Variants in NEURL1 observed in about 807,000 individuals in gnomAD.
NEURL1 encodes neuralized E3 ubiquitin protein ligase 1, also known as E3 ubiquitin-protein ligase NEURL1.
In NEURL1, 26 loss-of-function variants were observed where a neutral mutation model predicts 41.2. The observed-to-expected ratio is 0.63, with a 90% confidence interval of 0.46 to 0.87. NEURL1 has a LOEUF of 0.87. Among genes scored for constraint, NEURL1 ranks in the 40% least tolerant of loss-of-function variants. The pLI is 0.00. For synonymous variants in NEURL1, 400 were observed against 402.3 expected (o/e 0.99, Z 0.07); for missense variants, 761 against 871.1 (o/e 0.87, Z 1.59).
At chr10:103,521,680 C>T (rs1247976244) in intron 1 of NEURL1, among the ~76,000 whole-genome samples, 1 of 152,140 alleles carries the variant, frequency 6.6e-6, no homozygotes, top group East Asian at 1.9e-4. Context: ...GAGATATTCT[C>T]CTTGGTCCAA....
chr10:103,584,497 G>C lies in NEURL1; in HGVS notation c.650-39G>C. The C allele has an allele frequency of 5.5e-6, 7 of 1,282,932 alleles. No homozygotes were observed. In the South Asian group the frequency reaches 1.6e-4, roughly 30 times the overall value. 79.5% of individuals were successfully genotyped at this position (1,282,932 alleles called of 1,614,324 possible). A position where few individuals can be genotyped will look rare whatever the true frequency, so the allele number is the denominator to read the frequency against. The stretch of plus-strand genomic sequence containing the variant: ...GCGGGGCGCGCCGGGGCCGCCTCCC[G>C]AGAGCCCTGCGTGACACTGCCCCGT... On this transcript the variant is annotated intron_variant, in intron 3 of 5. Transcript: ENST00000369780.
intron 1 of NEURL1, among the ~76,000 whole-genome samples, chr10:103,496,673 G>A (rs75044652): frequency 0.035 from 5,252 of 152,184 alleles, 82 homozygotes; most frequent in Non-Finnish European, 0.044. Context: ...TATGAATATC[G>A]TTCAGCTCAA....
At chr10:103,498,185 CT>C (rs538273248) in intron 1 of NEURL1, among the ~76,000 whole-genome samples, 271 of 152,346 alleles carry the variant, frequency 1.8e-3, no homozygotes, top group Middle Eastern at 3.4e-3. Flanking sequence ...GATTTTCCTC[CT>C]TGCCCAGGTC....
At chr10:103,560,700 G>A (rs2035273012) in intron 1 of NEURL1, among the ~76,000 whole-genome samples, 1 of 152,168 alleles carries the variant, frequency 6.6e-6, no homozygotes, top group African/African-American at 2.4e-5. Context: ...CTTAGGAGGA[G>A]AGAGGGGACT....
At chr10:103,583,114 G>T (rs2035818292) in intron 3 of NEURL1, among the ~76,000 whole-genome samples, 1 of 152,180 alleles carries the variant, frequency 6.6e-6, no homozygotes, top group Admixed American at 6.5e-5. Flanking sequence ...GCCATTAGAA[G>T]AATATGGTGT....
rs984256502 is a variant in NEURL1, at chr10:103,556,310, G to A, written c.86-14562G>A. Among the ~76,000 whole-genome samples the A allele has an allele frequency of 2.0e-4, 30 of 152,204 alleles. No individual in the cohort carries two copies. The highest frequency in any genetic ancestry group is 7.2e-4 in the African/African-American group (30 of 41,452). ...GAGAAGCCTTCCTAGGGACTTGTGTGTCTTCCCTGGGCCCTGGGAACTGGG... is the reference window on the plus strand; with the variant it reads ...GAGAAGCCTTCCTAGGGACTTGTGTATCTTCCCTGGGCCCTGGGAACTGGG... On this transcript the variant is annotated intron_variant, in intron 1 of 5. Coordinates refer to ENST00000369780, the MANE Select transcript of NEURL1 (RefSeq NM_004210.5). The surrounding 1 kb of genome is among the most constrained non-coding windows in gnomAD (Gnocchi z 4.4).
At chr10:103,522,943 T>C (rs2034386361) in intron 1 of NEURL1, among the ~76,000 whole-genome samples, 1 of 152,098 alleles carries the variant, frequency 6.6e-6, no homozygotes, top group Non-Finnish European at 1.5e-5. Context: ...ACTGAGGATT[T>C]TATAGTTGTC....
At chr10:103,500,451 T>G (rs1408483215) in intron 1 of NEURL1, among the ~76,000 whole-genome samples, 2 of 152,218 alleles carry the variant, frequency 1.3e-5, no homozygotes, top group African/African-American at 4.8e-5. Context: ...TTAGAGTTTA[T>G]TATTGTGATC....
rs2035211571 is a variant in NEURL1 at position 103,558,542 on chromosome 10, TGTGTG to T, written c.86-12329_86-12325del. ...GTGTGTGTGTGTGTGTGTGTGTGTGTGTGTGTAGTGGGGCTGGTGGTGAGGAGTCG... is the reference window on the plus strand; with the variant it reads ...GTGTGTGTGTGTGTGTGTGTGTGTGTTAGTGGGGCTGGTGGTGAGGAGTCG... On this transcript the variant is annotated intron_variant, in intron 1 of 5. Transcript: ENST00000369780. This position sits in a 1 kb window ranked among gnomAD's most constrained non-coding sequence, Gnocchi z 4.2. Among the ~76,000 whole-genome samples, 1 of 149,640 alleles carries T rather than the reference TGTGTG, an allele frequency of 6.7e-6. No individual in the cohort carries two copies. The highest frequency in any genetic ancestry group is 1.5e-5 in the Non-Finnish European group (1 of 67,694).
chr10:103,523,731 G>A (rs186002268), intron 1 of NEURL1, among the ~76,000 whole-genome samples: 85 of 152,064 alleles, frequency 5.6e-4, no homozygotes, highest in Admixed American at 6.5e-4. Flanking sequence ...TTTCAATATC[G>A]TAATGTCCTC....
At chr10:103,506,617 T>C (rs1334156547) in intron 1 of NEURL1, among the ~76,000 whole-genome samples, 1 of 151,928 alleles carries the variant, frequency 6.6e-6, no homozygotes, top group Non-Finnish European at 1.5e-5. Context: ...TGGAGTATAG[T>C]GGTGCAGTCT....
At position 103,508,442 on chromosome 10, in the gene NEURL1, C is replaced by G. The variant is rs937951779; in HGVS notation, c.85+13970C>G. Reference sequence around the variant, plus strand: ...GGACCTCTTTCTGTCTCTGAGCGCCCTGACTTCTCTTCCAGCCCCGAGGGA... The same window carrying G: ...GGACCTCTTTCTGTCTCTGAGCGCCGTGACTTCTCTTCCAGCCCCGAGGGA... On this transcript the variant is annotated intron_variant, in intron 1 of 5. Transcript: ENST00000369780. This position sits in a 1 kb window ranked among gnomAD's most constrained non-coding sequence, Gnocchi z 4.3. Among the ~76,000 whole-genome samples the G allele has an allele frequency of 6.6e-6, 1 of 152,222 alleles. No individual in the cohort carries two copies. Among genetic ancestry groups the G allele is most frequent in the Non-Finnish European group, 1.5e-5 (1 of 68,046 alleles).
chr10:103,588,978 A>AC (rs1400762736), intron 4 of NEURL1: 1 of 435,422 alleles, frequency 2.3e-6, no homozygotes, highest in South Asian at 1.6e-5. Context: ...GAAGTGAGTG[A>AC]CGGAAGGAGG....
At chr10:103,546,611 A>C (rs892410232) in intron 1 of NEURL1, among the ~76,000 whole-genome samples, 1 of 152,184 alleles carries the variant, frequency 6.6e-6, no homozygotes, top group Non-Finnish European at 1.5e-5. Context: ...AGTGTCCCCA[A>C]GCCTCAATGT....
rs2036022217 is a variant in NEURL1 at position 103,590,671 on chromosome 10, T to C, written c.*299T>C. Reference sequence around the variant, plus strand: ...TGAGGGCTAAATTGGGATCTCAGCCTGCCCTAATCTTTCCCCATCTGAGGC... The same window carrying C: ...TGAGGGCTAAATTGGGATCTCAGCCCGCCCTAATCTTTCCCCATCTGAGGC... On this transcript the variant is annotated 3_prime_UTR_variant, in exon 6 of 6. Transcript: ENST00000369780. The C allele has an allele frequency of 2.3e-6, 1 of 441,062 alleles. No individual in the cohort carries two copies. Among genetic ancestry groups the C allele is most frequent in the Non-Finnish European group, 4.1e-6 (1 of 241,692 alleles). 27.3% of individuals were successfully genotyped at this position (441,062 alleles called of 1,614,324 possible).
chr10:103,579,947 A>G (rs1458033916), intron 3 of NEURL1, among the ~76,000 whole-genome samples: 2 of 152,132 alleles, frequency 1.3e-5, no homozygotes, highest in Non-Finnish European at 1.5e-5. Context: ...CCCCGTATCA[A>G]AAAATAATAA....
chr10:103,547,085 A>G (rs1048040630), intron 1 of NEURL1, among the ~76,000 whole-genome samples: 1 of 152,232 alleles, frequency 6.6e-6, no homozygotes, highest in Non-Finnish European at 1.5e-5. Context: ...GCATGAGCTC[A>G]TTTCATCTAC....
chr10:103,514,745 CA>C (rs944285785), intron 1 of NEURL1, among the ~76,000 whole-genome samples: 1 of 152,146 alleles, frequency 6.6e-6, no homozygotes, highest in Admixed American at 6.5e-5. Context: ...GCAGCTACTT[CA>C]AAACCCAGGG....
chr10:103,521,237 G>A (rs936963953), intron 1 of NEURL1, among the ~76,000 whole-genome samples: 2 of 152,172 alleles, frequency 1.3e-5, no homozygotes, highest in Non-Finnish European at 2.9e-5. Flanking sequence ...GACTAATAAA[G>A]GGCCGGTCCG....
Sources: allele counts gnomAD v4.1 joint callset (sites outside exome capture counted in the v4.1 genomes callset), GRCh38; gene constraint gnomAD v4.1.1; non-coding constraint Gnocchi (gnomAD v3.1); transcripts MANE v1.5; gene names NCBI Gene and HGNC (gene_info 2026-07-23, HGNC 2026-07-21).